ROBO1: variants seen among roughly 807,000 people sequenced by gnomAD.
ROBO1 encodes the protein roundabout guidance receptor 1.
ROBO1 carries 149 observed loss-of-function variants against 195.9 expected under a neutral mutation model. The ratio of observed to expected loss-of-function variants is 0.76; its 90% CI spans 0.67 to 0.87. The LOEUF (loss-of-function observed/expected upper bound fraction) is 0.87. Ranked by LOEUF, ROBO1 falls within the 40% of genes least tolerant of loss-of-function variation. The pLI, the probability that ROBO1 is intolerant of heterozygous loss-of-function variation, is 0.00. For missense variants in ROBO1, 1,933 were observed against 2,068.3 expected (o/e 0.93, Z 1.27); for synonymous variants, 816 against 733.2 (o/e 1.11, Z -1.82).
At chr3:79,445,549 G>A (rs2039220135) in intron 2 of ROBO1, among the ~76,000 whole-genome samples, 1 of 148,506 alleles carries the variant, frequency 6.7e-6, no homozygotes, top group Admixed American at 6.8e-5. Flanking sequence ...ATCCAGGCTG[G>A]AGTGTAGTGG....
chr3:79,719,896 T>C (rs1036218677), intron 1 of ROBO1, among the ~76,000 whole-genome samples: 4 of 152,222 alleles, frequency 2.6e-5, no homozygotes, highest in Admixed American at 6.5e-5. Flanking sequence ...ATCATATTTC[T>C]GTTTAACCAA....
At chr3:79,534,970 G>C (rs773341031) in intron 2 of ROBO1, among the ~76,000 whole-genome samples, 1 of 152,104 alleles carries the variant, frequency 6.6e-6, no homozygotes. Flanking sequence ...TGCAAATCAT[G>C]ATCCACTGCA....
chr3:78,948,692 G>C (rs905260851), intron 3 of ROBO1, among the ~76,000 whole-genome samples: 4 of 152,114 alleles, frequency 2.6e-5, no homozygotes, highest in Admixed American at 6.6e-5. Context: ...AGGAAAAAAG[G>C]GTATTCAATT....
chr3:78,862,072 T>C (rs1426126207), intron 4 of ROBO1, among the ~76,000 whole-genome samples: 1 of 152,090 alleles, frequency 6.6e-6, no homozygotes, highest in Non-Finnish European at 1.5e-5. Flanking sequence ...GAACTTAAGA[T>C]AGGAAGAGTG....
intron 2 of ROBO1, among the ~76,000 whole-genome samples, chr3:79,401,091 G>T (rs1320070656): frequency 1.3e-5 from 2 of 151,486 alleles, no homozygotes; most frequent in African/African-American, 4.8e-5. Flanking sequence ...AATTCAAATT[G>T]GGTTATTAGT....
intron 1 of ROBO1, among the ~76,000 whole-genome samples, chr3:79,740,120 C>T (rs1321415857): frequency 6.7e-6 from 1 of 149,772 alleles, no homozygotes; most frequent in African/African-American, 2.4e-5. Flanking sequence ...ATTAAATGCA[C>T]TTCAAGAGAT....
At chr3:79,510,606 A>G (rs945572353) in intron 2 of ROBO1, among the ~76,000 whole-genome samples, 1 of 147,576 alleles carries the variant, frequency 6.8e-6, no homozygotes, top group African/African-American at 2.5e-5. Flanking sequence ...CTACTTTATG[A>G]TTCTAGCCAT....
chr3:78,850,505 TCTG>T (rs2033987105), intron 4 of ROBO1, among the ~76,000 whole-genome samples: 2 of 152,206 alleles, frequency 1.3e-5, no homozygotes, highest in Admixed American at 6.5e-5. Context: ...GTTATCCTCT[TCTG>T]CTGCTCAGTA....
At chr3:79,553,106 G>A (rs545562997) in intron 2 of ROBO1, among the ~76,000 whole-genome samples, 1 of 152,148 alleles carries the variant, frequency 6.6e-6, no homozygotes, top group African/African-American at 2.4e-5. Flanking sequence ...TTGTCAGAGA[G>A]CCCTATTGAG....
chr3:79,680,551 A>C (rs1055594703), intron 1 of ROBO1, among the ~76,000 whole-genome samples: 1 of 152,054 alleles, frequency 6.6e-6, no homozygotes, highest in Non-Finnish European at 1.5e-5. Context: ...TTGTTGGTCA[A>C]CATAAAGTGT....
rs574243277 is a variant in ROBO1, at chr3:78,742,392, TA to T, written c.657+4350del. On this transcript the variant is annotated intron_variant, in intron 5 of 30. Transcript: ENST00000464233. ...TGTTTTAAGAATTTATTTTCACTAT[TA>T]AAAAAAAAACTGGAAATAATGTCAT... Among the ~76,000 whole-genome samples, 572 of 149,012 alleles carry T rather than the reference TA, an allele frequency of 3.8e-3. 6 individuals are homozygous for T. The highest frequency in any genetic ancestry group is 0.011 in the African/African-American group (430 of 40,838).
At chr3:79,122,979 T>C (rs945393582) in intron 3 of ROBO1, among the ~76,000 whole-genome samples, 3 of 151,978 alleles carry the variant, frequency 2.0e-5, no homozygotes, top group African/African-American at 7.2e-5. Flanking sequence ...GCACAGTCCA[T>C]TTTGAGATAT....
intron 2 of ROBO1, among the ~76,000 whole-genome samples, chr3:79,494,716 A>C (rs1438155391): frequency 6.6e-6 from 1 of 152,196 alleles, no homozygotes; most frequent in Admixed American, 6.5e-5. Context: ...TCCACAAAAA[A>C]AGTGTACAAA....
intron 1 of ROBO1, among the ~76,000 whole-genome samples, chr3:79,726,089 T>C (rs577681220): frequency 3.9e-5 from 6 of 152,188 alleles, no homozygotes; most frequent in Non-Finnish European, 2.9e-5. Context: ...GGACACAAAA[T>C]GTAATGTGAA....
intron 4 of ROBO1, among the ~76,000 whole-genome samples, chr3:78,773,564 A>G (rs144737829): frequency 1.6e-3 from 243 of 152,286 alleles, no homozygotes; most frequent in African/African-American, 5.5e-3. Context: ...AAAGAAACAT[A>G]TATCTTCAGA....
intron 2 of ROBO1, among the ~76,000 whole-genome samples, chr3:79,556,780 T>C (rs2107692744): frequency 6.6e-6 from 1 of 152,110 alleles, no homozygotes; most frequent in South Asian, 2.1e-4. Context: ...TATTCATATT[T>C]TAATGAATAC....
chr3:78,967,190 G>T (rs2076665670), intron 3 of ROBO1, among the ~76,000 whole-genome samples: 1 of 151,932 alleles, frequency 6.6e-6, no homozygotes, highest in Non-Finnish European at 1.5e-5. Flanking sequence ...TTACTTGCAG[G>T]TTCAGGGCCA....
intron 2 of ROBO1, among the ~76,000 whole-genome samples, chr3:79,308,352 A>G (rs996428506): frequency 1.3e-5 from 2 of 152,232 alleles, no homozygotes; most frequent in Non-Finnish European, 2.9e-5. Context: ...TCATTCATGC[A>G]GGAAAAATTT....
intron 2 of ROBO1, among the ~76,000 whole-genome samples, chr3:79,273,983 G>T (rs2108980365): frequency 6.6e-6 from 1 of 151,998 alleles, no homozygotes; most frequent in Middle Eastern, 3.4e-3. Flanking sequence ...AAATATATAT[G>T]TACCCAACAC....
Sources: allele counts gnomAD v4.1 joint callset (sites outside exome capture counted in the v4.1 genomes callset), GRCh38; gene constraint gnomAD v4.1.1; transcripts MANE v1.5; gene names NCBI Gene and HGNC (gene_info 2026-07-23, HGNC 2026-07-21).